The following SCN4A variants were observed in gnomAD, a reference collection of about 807,000 sequenced individuals.
SCN4A encodes sodium voltage-gated channel alpha subunit 4.
SCN4A carries 83 observed loss-of-function variants against 162.0 expected under a neutral mutation model. That is an observed-to-expected ratio of 0.51 (90% CI 0.43 to 0.61). SCN4A has a LOEUF of 0.61. Ranked by LOEUF, SCN4A falls within the 20% of genes least tolerant of loss-of-function variation. SCN4A has a pLI of 0.00. For synonymous variants in SCN4A, 944 were observed against 985.1 expected (o/e 0.96, Z 0.78); for missense variants, 2,196 against 2,462.5 (o/e 0.89, Z 2.29).
At chr17:63,961,492 C>T in intron 10 of SCN4A, 61 bp from the exon 11 acceptor site, 1 of 1,249,272 alleles carries the variant, frequency 8.0e-7, no homozygotes, top group Non-Finnish European at 1.2e-6. Flanking sequence ...CCCCCGGCTC[C>T]AGCTAGAGCT....
At chr17:63,968,413 C>T in intron 5 of SCN4A, 58 bp from the exon 6 acceptor site, 1 of 1,416,732 alleles carries the variant, frequency 7.1e-7, no homozygotes, top group South Asian at 1.4e-5. Context: ...ATAACAGAGC[C>T]CCCGCGGCCC....
In SCN4A at chr17:63,964,768, G is replaced by C. The variant is rs1597982878; in HGVS notation, c.1243-91C>G. On this transcript the variant is annotated intron_variant, in intron 8 of 23. Coordinates refer to ENST00000435607, the MANE Select transcript of SCN4A (RefSeq NM_000334.4). ...TTTCCATACATCCATTGCCCGCATG[G>C]GTAAGCAGAGCCCCTCCCTCACAGA... 3.1e-6 allele frequency: 3 copies of C among 977,224 alleles called. No individual in the cohort carries two copies. In the East Asian group the frequency reaches 7.9e-5, roughly 26 times the overall value. 60.5% of individuals were successfully genotyped at this position (977,224 alleles called of 1,614,324 possible).
rs373185863 is a variant in SCN4A, at chr17:63,972,231, G to A, written c.393-6C>T. 6 of 1,612,404 alleles carry A rather than the reference G, an allele frequency of 3.7e-6. No individual in the cohort carries two copies. The African/African-American group carries it at 8.0e-5, about 22-fold the overall frequency. Reference sequence around the variant, plus strand: ...TGATGAACATGCTGAACAGCGTGGGGCAGGGTCAAGGAAAGTGAGGAAGCA... The same window carrying A: ...TGATGAACATGCTGAACAGCGTGGGACAGGGTCAAGGAAAGTGAGGAAGCA... On this transcript the variant is annotated splice_polypyrimidine_tract_variant and splice_region_variant and intron_variant, in intron 2 of 23. Transcript: ENST00000435607. The surrounding 1 kb of genome is among the most constrained non-coding windows in gnomAD (Gnocchi z 4.3).
Position 63,948,020 on chromosome 17 carries a change from G to C in SCN4A, c.3188C>G (p.Thr1063Ser), listed in dbSNP as rs1333298605. The C allele has an allele frequency of 6.2e-7, 1 of 1,613,010 alleles. No homozygotes were observed. Among genetic ancestry groups the C allele is most frequent in the Middle Eastern group, 1.6e-4 (1 of 6,078 alleles). ...GACCTTGTCGGCATATTCTAGGATG[G>C]TGCGAATGACTCGCCGCTGCTCAAT... ...IYIEQRRVIRTILEYADKVFT... is the reference protein window; with the variant it reads ...IYIEQRRVIRSILEYADKVFT... Residue 1063 changes from threonine to serine, a missense_variant, in exon 17 of 24, where the codon ACC becomes AGC. Thr to Ser is a moderately conservative substitution (Grantham distance 58, BLOSUM62 1). Transcript: ENST00000435607.
intron 13 of SCN4A, among the ~76,000 whole-genome samples, 198 bp from the exon 14 acceptor site, chr17:63,952,098 G>A (rs766122274): frequency 3.3e-5 from 5 of 152,198 alleles, no homozygotes; most frequent in Non-Finnish European, 7.3e-5. Context: ...GGGAAACTGA[G>A]GCTTGGGCTT....
At chr17:63,961,662 C>G in intron 10 of SCN4A, 1 of 351,612 alleles carries the variant, frequency 2.8e-6, no homozygotes. Flanking sequence ...GCTCTGAGCG[C>G]GGCCGGCTCC....
At chr17:63,948,831 C>T (rs924205422) in intron 15 of SCN4A, 66 bp from the exon 16 acceptor site, 119 of 1,430,116 alleles carry the variant, frequency 8.3e-5, no homozygotes, top group Non-Finnish European at 1.1e-4. Context: ...TTGGGGTGCA[C>T]AGTCAGCGCC....
At position 63,943,045 on chromosome 17, in the gene SCN4A, T is replaced by A; in HGVS notation, c.4069A>T (p.Ile1357Phe). Residue 1357 changes from isoleucine to phenylalanine, a missense_variant, in exon 23 of 24, where the codon ATC becomes TTC. By Grantham distance (21) the Ile-to-Phe change is conservative (BLOSUM62 0). Coordinates refer to ENST00000435607, the MANE Select transcript of SCN4A (RefSeq NM_000334.4). Reference protein sequence around the residue: ...YDLVTKQAFDITIMILICLNM... With the variant: ...YDLVTKQAFDFTIMILICLNM... The stretch of plus-strand genomic sequence containing the variant: ...AGGCAGATGAGGATCATGATGGTGA[T>A]GTCGAAGGCCTGCTTCGTCACGAGG... The A allele has an allele frequency of 6.2e-7, 1 of 1,613,940 alleles. No individual in the cohort carries two copies. Among genetic ancestry groups the A allele is most frequent in the Non-Finnish European group, 8.5e-7 (1 of 1,179,828 alleles).
In SCN4A at chr17:63,941,018, C is replaced by T. The variant is rs373278632; in HGVS notation, c.5264G>A (p.Arg1755His). The change falls in exon 24 of 24, where the codon CGC becomes CAC. Residue 1755 changes from arginine (R) to histidine (H), a missense_variant. By Grantham distance (29) the Arg-to-His change is conservative. Coordinates refer to ENST00000435607, the MANE Select transcript of SCN4A (RefSeq NM_000334.4). The surrounding 1 kb of genome is among the most constrained non-coding windows in gnomAD (Gnocchi z 6.2). ...RSMKQASYMY[R>H]HSHDGSGDDA... The stretch of plus-strand genomic sequence containing the variant: ...ATCCCCGCTGCCGTCGTGGCTGTGG[C>T]GGTACATGTAGGATGCCTGCTTCAT... 2.2e-5 allele frequency: 35 copies of T among 1,613,658 alleles called. No individual in the cohort carries two copies. The highest frequency in any genetic ancestry group is 2.5e-5 in the Non-Finnish European group (29 of 1,179,726).
chr17:63,958,798 G>A (rs1052873871), intron 12 of SCN4A, among the ~76,000 whole-genome samples: 14 of 152,130 alleles, frequency 9.2e-5, no homozygotes, highest in African/African-American at 2.4e-4. Context: ...GGTGATCCAC[G>A]CGCCTTGGCC....
In SCN4A at chr17:63,951,415, C is replaced by T; in HGVS notation, c.2853+9G>A. ...AGCCGGGTCTGTCTGAGCCCCAGCCCCGGCTCACCTTGCTATCCTCAGGCT... is the reference window on the plus strand; with the variant it reads ...AGCCGGGTCTGTCTGAGCCCCAGCCTCGGCTCACCTTGCTATCCTCAGGCT... On this transcript the variant is annotated intron_variant, in intron 14 of 23. Coordinates refer to ENST00000435607, the MANE Select transcript of SCN4A (RefSeq NM_000334.4). The surrounding 1 kb of genome is among the most constrained non-coding windows in gnomAD (Gnocchi z 4.5). The T allele has an allele frequency of 6.4e-7, 1 of 1,571,262 alleles. No individual in the cohort carries two copies. Among genetic ancestry groups the T allele is most frequent in the Non-Finnish European group, 8.7e-7 (1 of 1,151,834 alleles).
At position 63,951,979 on chromosome 17, in the gene SCN4A, C is replaced by A; in HGVS notation, c.2377-79G>T. ...GCCACCTTCAGCCAGCACAGGGGTC[C>A]TCGGTCTACAGATCCAAACTACCAC... On this transcript the variant is annotated intron_variant, in intron 13 of 23. Coordinates refer to ENST00000435607, the MANE Select transcript of SCN4A (RefSeq NM_000334.4). The surrounding 1 kb of genome is among the most constrained non-coding windows in gnomAD (Gnocchi z 4.5). 2 of 835,534 alleles carry A rather than the reference C, an allele frequency of 2.4e-6. No homozygotes were observed. The highest frequency in any genetic ancestry group is 1.8e-6 in the Non-Finnish European group (1 of 548,038). The allele number at this position is 835,534 out of a possible 1,614,324, so 51.8% of individuals were successfully genotyped here.
rs768615962 is a variant in SCN4A, at chr17:63,951,367, C to T, written c.2853+57G>A. The T allele has an allele frequency of 1.6e-6, 2 of 1,265,818 alleles. No individual in the cohort carries two copies. Among genetic ancestry groups the T allele is most frequent in the Non-Finnish European group, 2.2e-6 (2 of 908,212 alleles). The allele number at this position is 1,265,818 out of a possible 1,614,324, so 78.4% of individuals were successfully genotyped here. On this transcript the variant is annotated intron_variant, in intron 14 of 23. Coordinates refer to ENST00000435607, the MANE Select transcript of SCN4A (RefSeq NM_000334.4). The surrounding 1 kb of genome is among the most constrained non-coding windows in gnomAD (Gnocchi z 4.5). ...AGGCTCAGAGAGGACTTAGGGCTTG[C>T]TCCAGGTCACAGGAGAATTTGAAGC...
At chr17:63,966,389 C>T (rs925830526) in intron 7 of SCN4A, 92 bp downstream of exon 7, 2 of 1,416,518 alleles carry the variant, frequency 1.4e-6, no homozygotes, top group East Asian at 2.3e-5. Context: ...GGTTTCCCTG[C>T]ACTCCCATGC....
Position 63,961,174 on chromosome 17 carries a change from C to CA in SCN4A, c.1845+18_1845+19insT. The CA allele has an allele frequency of 8.6e-7, 1 of 1,169,476 alleles. No individual in the cohort carries two copies. The highest frequency in any genetic ancestry group is 1.3e-6 in the Non-Finnish European group (1 of 798,980). The allele number at this position is 1,169,476 out of a possible 1,614,324, so 72.4% of individuals were successfully genotyped here. A position where few individuals can be genotyped will look rare whatever the true frequency, so the allele number is the denominator to read the frequency against. ...TCCCATCCTGCCCATGAATGATCCC[C>CA]TCCCCCGCCCCTCCCTACCAGGTTG... On this transcript the variant is annotated intron_variant, in intron 11 of 23. Transcript: ENST00000435607.
chr17:63,951,906 G>C lies in SCN4A; in HGVS notation c.2377-6C>G, dbSNP rs1185186877. On this transcript the variant is annotated splice_region_variant and splice_polypyrimidine_tract_variant and intron_variant, in intron 13 of 23. Coordinates refer to ENST00000435607, the MANE Select transcript of SCN4A (RefSeq NM_000334.4). The surrounding 1 kb of genome is among the most constrained non-coding windows in gnomAD (Gnocchi z 4.5). ...GCCAGGAACAGGTTCAGGACCTGGG[G>C]CATGGGGTCAGGGGGAGCCTCACAT... 3.3e-6 allele frequency: 5 copies of C among 1,510,780 alleles called. No homozygotes were observed. The highest frequency in any genetic ancestry group is 4.4e-6 in the Non-Finnish European group (5 of 1,128,946). The allele number at this position is 1,510,780 out of a possible 1,614,324, so 93.6% of individuals were successfully genotyped here. A position where few individuals can be genotyped will look rare whatever the true frequency, so the allele number is the denominator to read the frequency against.
At chr17:63,971,693 C>T (rs1203528936) in intron 4 of SCN4A, 29 bp downstream of exon 4, 1 of 1,558,208 alleles carries the variant, frequency 6.4e-7, no homozygotes, top group Non-Finnish European at 8.7e-7. Context: ...CCCACCCCAG[C>T]CTCAGGATGT....
chr17:63,958,002 TAAAAAAA>T (rs60393540), intron 12 of SCN4A, among the ~76,000 whole-genome samples: 1 of 55,200 alleles, frequency 1.8e-5, no homozygotes, highest in Non-Finnish European at 4.1e-5. Context: ...AAAACTCCAC[TAAAAAAA>T]AAAAAAAAAA....
chr17:63,957,536 C>T lies in SCN4A; in HGVS notation c.2020-18G>A. ...ACCCGCAGCTGCCAAGCAGGGAGGG[C>T]AAGGGTGAATGAGGCCCAGGGACCA... On this transcript the variant is annotated intron_variant, in intron 12 of 23. Coordinates refer to ENST00000435607, the MANE Select transcript of SCN4A (RefSeq NM_000334.4). 1 of 1,589,876 alleles carries T rather than the reference C, an allele frequency of 6.3e-7. No individual in the cohort carries two copies. The highest frequency in any genetic ancestry group is 8.6e-7 in the Non-Finnish European group (1 of 1,162,240).
Sources: allele counts gnomAD v4.1 joint callset (sites outside exome capture counted in the v4.1 genomes callset), GRCh38; gene constraint gnomAD v4.1.1; non-coding constraint Gnocchi (gnomAD v3.1); transcripts MANE v1.5; gene names NCBI Gene and HGNC (gene_info 2026-07-23, HGNC 2026-07-21).